NUP160: variants seen among roughly 807,000 people sequenced by gnomAD.
NUP160 encodes nucleoporin 160.
A neutral mutation model predicts 196.9 loss-of-function variants in NUP160; 94 were observed. The observed-to-expected ratio is 0.48, with a 90% CI of 0.40 to 0.57. NUP160 has a LOEUF of 0.57. Among genes scored for constraint, NUP160 ranks in the 20% least tolerant of loss-of-function variants. NUP160 has a pLI of 0.00. For missense variants in NUP160, 1,638 were observed against 1,748.3 expected, an observed-to-expected ratio of 0.94 and a Z score of 1.13; for synonymous variants, 605 against 619.7, an observed-to-expected ratio of 0.98 and a Z score of 0.35.
chr11:47,786,855 C>T, intron 31 of NUP160: 1 of 284,026 alleles, frequency 3.5e-6, no homozygotes, highest in South Asian at 3.1e-5. Context: ...GTGGTGCAAT[C>T]TCAGCTCACT....
At chr11:47,832,142 C>T (rs868700311) in intron 7 of NUP160, among the ~76,000 whole-genome samples, 3 of 151,988 alleles carry the variant, frequency 2.0e-5, no homozygotes, top group Middle Eastern at 6.8e-3. Context: ...CCTCATGATC[C>T]GCCTGCCTCA....
At chr11:47,816,767 C>A (rs1599329476) in intron 11 of NUP160, among the ~76,000 whole-genome samples, 1 of 120,042 alleles carries the variant, frequency 8.3e-6, no homozygotes, top group East Asian at 2.5e-4. Context: ...CAGAGCGAGA[C>A]CCTGCCTCAA....
chr11:47,807,488 A>G (rs1235413695), intron 18 of NUP160, among the ~76,000 whole-genome samples: 1 of 152,104 alleles, frequency 6.6e-6, no homozygotes, highest in African/African-American at 2.4e-5. Context: ...CAACATGGTG[A>G]AACGCCACCT....
In NUP160 at chr11:47,812,982, T is replaced by C; in HGVS notation, c.1852A>G (p.Thr618Ala). 1 of 1,613,030 alleles carries C rather than the reference T, an allele frequency of 6.2e-7. No homozygotes were observed. The highest frequency in any genetic ancestry group is 1.7e-5 in the Admixed American group (1 of 60,006). Residue 618 changes from threonine (T) to alanine (A), a missense_variant, in exon 15 of 36, where the codon ACT (threonine) becomes GCT (alanine). Transcript: ENST00000378460. The stretch of plus-strand genomic sequence containing the variant: ...TCCATTATAACTGACATATCCACAG[T>C]TACTGACTCTTCAATCAGCCGGAGG...
At chr11:47,841,177 A>T (rs1190451173) in intron 2 of NUP160, 1 of 166,536 alleles carries the variant, frequency 6.0e-6, no homozygotes, top group Non-Finnish European at 1.3e-5. Flanking sequence ...ATTACTCCTC[A>T]AAAGGAGCTT....
At position 47,797,908 on chromosome 11, in the gene NUP160, T is replaced by A. The variant is rs377664982; in HGVS notation, c.3184-24A>T. ...ACCTAGGGAAGGGGAAGCAATCAGA[T>A]AACTAAGTCAGTAGCAATCATGGCA... On this transcript the variant is annotated intron_variant, in intron 26 of 35. Transcript: ENST00000378460. 1.4e-5 allele frequency: 23 copies of A among 1,588,700 alleles called. No individual in the cohort carries two copies. The East Asian group carries it at 2.0e-4, about 14-fold the overall frequency.
intron 29 of NUP160, among the ~76,000 whole-genome samples, 185 bp from the exon 30 acceptor site, chr11:47,788,796 T>C (rs981111929): frequency 6.6e-6 from 1 of 152,068 alleles, no homozygotes; most frequent in Non-Finnish European, 1.5e-5. Context: ...ATATCCCATG[T>C]CAAATCAAAG....
chr11:47,837,415 A>G (rs976444401), intron 5 of NUP160, 130 bp downstream of exon 5: 2 of 714,282 alleles, frequency 2.8e-6, no homozygotes, highest in Non-Finnish European at 4.8e-6. Context: ...ATGGAATTTA[A>G]TGTTATTCTG....
chr11:47,811,519 A>AAG (rs527713349), intron 17 of NUP160, among the ~76,000 whole-genome samples: 368 of 152,244 alleles, frequency 2.4e-3, no homozygotes, highest in Middle Eastern at 0.014. Flanking sequence ...AGGAAAAAAA[A>AAG]AGAGTTTTCT....
At chr11:47,788,579 C>T in exon 30 of NUP160, 1 of 1,613,988 alleles carries the variant, frequency 6.2e-7, no homozygotes, top group Non-Finnish European at 8.5e-7. Context: ...TTCTCCAGAT[C>T]TTCCAGTTCC....
chr11:47,799,891 C>T (rs187558826), intron 23 of NUP160, among the ~76,000 whole-genome samples: 15 of 152,270 alleles, frequency 9.9e-5, no homozygotes, highest in Admixed American at 3.3e-4. Flanking sequence ...TCATAGCCAC[C>T]GCATGTATCG....
chr11:47,788,193 C>T (rs777885337), exon 31 of NUP160: 10 of 1,612,216 alleles, frequency 6.2e-6, no homozygotes, highest in Admixed American at 3.3e-5. Context: ...TGAAGGCAAG[C>T]CCTTCAAAGA....
intron 27 of NUP160, among the ~76,000 whole-genome samples, chr11:47,794,520 G>A (rs1456206568): frequency 6.6e-6 from 1 of 152,160 alleles, no homozygotes; most frequent in African/African-American, 2.4e-5. Flanking sequence ...TGTAATCCCA[G>A]CACTTTGGGA....
intron 7 of NUP160, among the ~76,000 whole-genome samples, chr11:47,828,405 ATATT>A (rs1852013967): frequency 1.3e-5 from 2 of 152,344 alleles, no homozygotes; most frequent in South Asian, 4.1e-4. Flanking sequence ...AAAGAATCAA[ATATT>A]TAAGAAGAAA....
intron 7 of NUP160, among the ~76,000 whole-genome samples, chr11:47,828,787 G>C (rs1324554395): frequency 6.6e-6 from 1 of 152,114 alleles, no homozygotes; most frequent in Non-Finnish European, 1.5e-5. Context: ...AAAACCATGT[G>C]TCTGAGGTCA....
chr11:47,786,344 AAAAG>A (rs1332296601), intron 32 of NUP160, 105 bp downstream of exon 32: 1 of 618,486 alleles, frequency 1.6e-6, no homozygotes, highest in Non-Finnish European at 2.8e-6. Flanking sequence ...AACTTAGCCA[AAAAG>A]AAAGAAAAAA....
intron 31 of NUP160, 41 bp downstream of exon 31, chr11:47,788,141 T>C: frequency 6.5e-7 from 1 of 1,538,742 alleles, no homozygotes; most frequent in Non-Finnish European, 8.9e-7. Context: ...GATAATATAT[T>C]TGCATTAGAA....
chr11:47,788,932 A>G (rs1204377871), intron 29 of NUP160, among the ~76,000 whole-genome samples: 3 of 151,066 alleles, frequency 2.0e-5, no homozygotes, highest in Non-Finnish European at 4.4e-5. Flanking sequence ...GCTGGAGTGC[A>G]GTGGCATGAT....
intron 32 of NUP160, 110 bp downstream of exon 32, chr11:47,786,342 CA>C: frequency 1.7e-6 from 1 of 604,496 alleles, no homozygotes; most frequent in East Asian, 2.8e-5. Flanking sequence ...AAAACTTAGC[CA>C]AAAAGAAAGA....
Sources: gnomAD v4.1 joint callset for allele counts (sites outside exome capture counted in the v4.1 genomes callset) on GRCh38, gnomAD v4.1.1 for gene constraint, MANE v1.5 for transcripts, NCBI Gene and HGNC (gene_info 2026-07-23, HGNC 2026-07-21) for gene names.